Variants in GPT2 observed in about 807,000 individuals in gnomAD.
GPT2 encodes the protein alanine aminotransferase 2.
GPT2 carries 30 observed loss-of-function variants against 56.9 expected under a neutral mutation model. The observed-to-expected ratio is 0.53, with a 90% confidence interval of 0.39 to 0.72. GPT2 has a LOEUF of 0.72. Among genes scored for constraint, GPT2 ranks in the 30% least tolerant of loss-of-function variants. The pLI, the probability that GPT2 is intolerant of heterozygous loss-of-function variation, is 0.00. For missense variants in GPT2, 542 were observed against 703.4 expected (o/e 0.77, Z 2.60); for synonymous variants, 271 against 283.1 (o/e 0.96, Z 0.43).
chr16:46,905,083 G>T (rs1017222455), intron 4 of GPT2, among the ~76,000 whole-genome samples: 4 of 149,186 alleles, frequency 2.7e-5, no homozygotes, highest in Non-Finnish European at 5.9e-5. Flanking sequence ...TTTAAAGACC[G>T]TCTCAATCTG....
chr16:46,904,454 G>A (rs766002128), intron 4 of GPT2, among the ~76,000 whole-genome samples: 1 of 152,192 alleles, frequency 6.6e-6, no homozygotes, highest in East Asian at 1.9e-4. Flanking sequence ...GAAATTATAG[G>A]CTGAGAGATT....
At chr16:46,903,581 A>G (rs754462975) in intron 4 of GPT2, among the ~76,000 whole-genome samples, 6 of 152,192 alleles carry the variant, frequency 3.9e-5, no homozygotes, top group Non-Finnish European at 8.8e-5. Flanking sequence ...AGTTGGGATT[A>G]CAGGCATAAG....
rs139850612 is a variant in GPT2, at chr16:46,906,916, G to T, written c.517G>T (p.Gly173Cys). The change falls in exon 5 of 12, where the codon GGT (glycine) becomes TGT (cysteine). Residue 173 changes from glycine to cysteine, a missense_variant. By Grantham distance (159) the Gly-to-Cys change is radical. Coordinates refer to ENST00000340124, the MANE Select transcript of GPT2 (RefSeq NM_133443.4). ...TGCCTACATCACCAGGAGGGATGGC[G>T]GTGTGCCTGCGGACCCCGACAACAT... ...VAAYITRRDG[G>C]VPADPDNIYL... The T allele has an allele frequency of 1.9e-6, 3 of 1,614,096 alleles. No individual in the cohort carries two copies. Among genetic ancestry groups the T allele is most frequent in the Non-Finnish European group, 1.7e-6 (2 of 1,180,052 alleles).
chr16:46,913,044 C>A (rs1377722777), intron 6 of GPT2, among the ~76,000 whole-genome samples: 1 of 152,194 alleles, frequency 6.6e-6, no homozygotes, highest in African/African-American at 2.4e-5. Context: ...ATGTCTCCCC[C>A]AGCTGTGCCC....
intron 5 of GPT2, among the ~76,000 whole-genome samples, chr16:46,908,022 G>A (rs954028374): frequency 6.0e-5 from 9 of 150,538 alleles, no homozygotes; most frequent in African/African-American, 1.7e-4. Context: ...TTGGGGGACC[G>A]GTGGAGGTTT....
intron 6 of GPT2, 105 bp from the exon 7 acceptor site, chr16:46,916,523 C>A: frequency 2.3e-6 from 2 of 853,412 alleles, no homozygotes. Context: ...TTCTATGGGT[C>A]TCAAGGGAAC....
chr16:46,924,281 G>A (rs1438098411), intron 9 of GPT2, 108 bp from the exon 10 acceptor site: 3 of 1,279,252 alleles, frequency 2.3e-6, no homozygotes, highest in Non-Finnish European at 3.4e-6. Context: ...CAAAGCTGGA[G>A]CAAAGTCATC....
intron 8 of GPT2, 103 bp from the exon 9 acceptor site, chr16:46,922,139 T>C (rs1213450563): frequency 2.8e-6 from 3 of 1,067,752 alleles, no homozygotes; most frequent in African/African-American, 1.6e-5. Flanking sequence ...ACCTGGCCAT[T>C]TGGTGTTGGG....
In GPT2 at chr16:46,918,680, G is replaced by A. The variant is rs1333714023; in HGVS notation, c.960G>A (p.Leu320=). ...DCRFHSFKKV[L]YEMGPEYSSN... is the part of the protein sequence containing the mutation. ...GATTCCACTCCTTCAAGAAGGTGCT[G>A]TACGAGATGGGGCCCGAGTACTCCA... The change falls in exon 8 of 12, where the codon CTG becomes CTA. Residue 320 remains leucine (L), a synonymous_variant. Transcript: ENST00000340124. 1.9e-6 allele frequency: 3 copies of A among 1,614,108 alleles called. No individual in the cohort carries two copies. The highest frequency in any genetic ancestry group is 2.5e-6 in the Non-Finnish European group (3 of 1,180,046).
intron 10 of GPT2, among the ~76,000 whole-genome samples, chr16:46,925,275 G>A (rs1961383780): frequency 6.6e-6 from 1 of 151,786 alleles, no homozygotes; most frequent in Non-Finnish European, 1.5e-5. Context: ...AGGCTGGAGT[G>A]CAGTGGTGCG....
chr16:46,917,990 C>T (rs1265300117), intron 7 of GPT2, among the ~76,000 whole-genome samples: 1 of 152,188 alleles, frequency 6.6e-6, no homozygotes, highest in African/African-American at 2.4e-5. Context: ...GACTGATCCC[C>T]AGGGCCCCAG....
At chr16:46,919,466 C>A (rs1961238613) in intron 8 of GPT2, among the ~76,000 whole-genome samples, 1 of 152,158 alleles carries the variant, frequency 6.6e-6, no homozygotes, top group Non-Finnish European at 1.5e-5. Context: ...GTGCAGATAT[C>A]TGGGGGAAGA....
intron 4 of GPT2, among the ~76,000 whole-genome samples, chr16:46,905,024 A>AGGCTGAGGCAGAGC: frequency 6.7e-6 from 1 of 150,188 alleles, no homozygotes; most frequent in East Asian, 2.0e-4. Flanking sequence ...CTGCGCAGAG[A>AGGCTGAGGCAGAGC]GGCTGAGGCA....
chr16:46,928,573 G>T (rs868561545), intron 11 of GPT2, among the ~76,000 whole-genome samples: 2 of 150,172 alleles, frequency 1.3e-5, no homozygotes, highest in Non-Finnish European at 2.9e-5. Context: ...CAGTGATCGC[G>T]CAATTGCACT....
chr16:46,886,335 T>A (rs1960483008), intron 2 of GPT2, among the ~76,000 whole-genome samples: 1 of 152,202 alleles, frequency 6.6e-6, no homozygotes, highest in South Asian at 2.1e-4. Flanking sequence ...TACAGCTGAT[T>A]TCTCTGGTTC....
At position 46,926,908 on chromosome 16, in the gene GPT2, T is replaced by C. The variant is rs1173548753; in HGVS notation, c.1369-17T>C. The C allele has an allele frequency of 5.4e-6, 8 of 1,490,698 alleles. No individual in the cohort carries two copies. Among genetic ancestry groups the C allele is most frequent in the Non-Finnish European group, 7.2e-6 (8 of 1,108,000 alleles). 92.3% of individuals were successfully genotyped at this position (1,490,698 alleles called of 1,614,324 possible). ...TGCAAAGCCAGGAATGATCATGAGC[T>C]CTGTCTGCTCCCATAGGCCCATCAA... On this transcript the variant is annotated splice_polypyrimidine_tract_variant and intron_variant, in intron 10 of 11. Coordinates refer to ENST00000340124, the MANE Select transcript of GPT2 (RefSeq NM_133443.4).
At chr16:46,891,055 T>TAG (rs1234126759) in intron 2 of GPT2, among the ~76,000 whole-genome samples, 1 of 151,730 alleles carries the variant, frequency 6.6e-6, no homozygotes, top group African/African-American at 2.4e-5. Flanking sequence ...GTATTTTTAG[T>TAG]AGAGATGGGG....
chr16:46,901,853 T>C (rs2143425505), intron 4 of GPT2, among the ~76,000 whole-genome samples: 1 of 152,340 alleles, frequency 6.6e-6, no homozygotes, highest in Non-Finnish European at 1.5e-5. Context: ...CCTGCCAGCC[T>C]GGATGGGGTG....
rs1386684702 is a variant in GPT2 at position 46,897,644 on chromosome 16, C to T, written c.244-4C>T. ...TAACCACCTGTTGCTTTCTCTCTGCCCAGGGTATCAAAAAGCCATTCACAG... is the reference window on the plus strand; with the variant it reads ...TAACCACCTGTTGCTTTCTCTCTGCTCAGGGTATCAAAAAGCCATTCACAG... On this transcript the variant is annotated splice_region_variant and splice_polypyrimidine_tract_variant and intron_variant, in intron 2 of 11. Transcript: ENST00000340124. The T allele has an allele frequency of 4.3e-6, 7 of 1,613,694 alleles. No homozygotes were observed. In the South Asian group the frequency reaches 5.5e-5, roughly 13 times the overall value.
Sources: gnomAD v4.1 joint callset for allele counts (sites outside exome capture counted in the v4.1 genomes callset) on GRCh38, gnomAD v4.1.1 for gene constraint, MANE v1.5 for transcripts, NCBI Gene and HGNC (gene_info 2026-07-23, HGNC 2026-07-21) for gene names.